TGFBRAP1: variants seen among roughly 807,000 people sequenced by gnomAD.
The protein encoded by TGFBRAP1 is transforming growth factor-beta receptor-associated protein 1.
Under a neutral mutation model 83.2 loss-of-function variants are expected in TGFBRAP1, and 20 were observed. That is an observed-to-expected ratio of 0.24 (90% CI 0.17 to 0.35). The LOEUF (loss-of-function observed/expected upper bound fraction) is 0.35, where lower values mean the gene tolerates loss of function less well. Ranked by LOEUF, TGFBRAP1 falls within the 10% of genes least tolerant of loss-of-function variation. The pLI, the probability that TGFBRAP1 is intolerant of heterozygous loss-of-function variation, is 1.00. For missense variants in TGFBRAP1, 950 were observed against 1,099.4 expected (o/e 0.86, Z 1.92); for synonymous variants, 415 against 459.8 (o/e 0.90, Z 1.25).
At chr2:105,286,930 A>G (rs1677737507) in intron 4 of TGFBRAP1, among the ~76,000 whole-genome samples, 1 of 152,212 alleles carries the variant, frequency 6.6e-6, no homozygotes, top group Non-Finnish European at 1.5e-5. Flanking sequence ...CTAAGCACTT[A>G]ATTCAAAGGG....
At chr2:105,275,793 T>A (rs1230836489) in intron 7 of TGFBRAP1, 90 bp from the exon 8 acceptor site, 1 of 1,370,148 alleles carries the variant, frequency 7.3e-7, no homozygotes, top group East Asian at 2.4e-5. Flanking sequence ...AAATGGCATA[T>A]GTTTACTTAT....
chr2:105,322,374 T>C (rs1679094330), intron 1 of TGFBRAP1, among the ~76,000 whole-genome samples: 2 of 152,332 alleles, frequency 1.3e-5, no homozygotes, highest in Admixed American at 1.3e-4. Flanking sequence ...TAGTGTAGCC[T>C]AAGTGTACAA....
At chr2:105,311,944 T>C (rs907490458) in intron 1 of TGFBRAP1, among the ~76,000 whole-genome samples, 4 of 152,106 alleles carry the variant, frequency 2.6e-5, no homozygotes, top group Non-Finnish European at 4.4e-5. Flanking sequence ...CTATTTTTTT[T>C]AAGCAGTGGG....
chr2:105,254,290 G>A, the TGFBRAP1 span, among the ~76,000 whole-genome samples: 1 of 152,076 alleles, frequency 6.6e-6, no homozygotes, highest in South Asian at 2.1e-4. Flanking sequence ...GAGAGGTCAC[G>A]AAGTACTTCT....
At chr2:105,283,738 G>C (rs972318028) in intron 5 of TGFBRAP1, among the ~76,000 whole-genome samples, 3 of 152,200 alleles carry the variant, frequency 2.0e-5, no homozygotes, top group Non-Finnish European at 2.9e-5. Flanking sequence ...GCAGGGGAAA[G>C]GGGAGAACAC....
the TGFBRAP1 span, among the ~76,000 whole-genome samples, chr2:105,250,693 C>T: frequency 7.9e-5 from 12 of 151,736 alleles, no homozygotes; most frequent in Admixed American, 2.0e-4. Context: ...ACGGTCTCCC[C>T]CTGATGCCGA....
At chr2:105,323,172 G>C (rs1382104597) in intron 1 of TGFBRAP1, among the ~76,000 whole-genome samples, 1 of 152,142 alleles carries the variant, frequency 6.6e-6, no homozygotes, top group African/African-American at 2.4e-5. Flanking sequence ...TGCATTGGAG[G>C]CCAGTTTTCT....
chr2:105,315,366 CACTA>C (rs1266313949), intron 1 of TGFBRAP1, among the ~76,000 whole-genome samples: 3 of 152,148 alleles, frequency 2.0e-5, no homozygotes, highest in Admixed American at 2.0e-4. Flanking sequence ...GAAGGACCTA[CACTA>C]ACTGATTTCA....
chr2:105,322,558 T>C (rs1679098799), intron 1 of TGFBRAP1, among the ~76,000 whole-genome samples: 2 of 152,158 alleles, frequency 1.3e-5, no homozygotes, highest in South Asian at 4.1e-4. Context: ...CTACTATCCC[T>C]TTTCTGTGTT....
At chr2:105,321,886 G>C (rs764196372) in intron 1 of TGFBRAP1, among the ~76,000 whole-genome samples, 1 of 152,160 alleles carries the variant, frequency 6.6e-6, no homozygotes, top group Non-Finnish European at 1.5e-5. Context: ...AATAATAAAT[G>C]ACTATGTTAC....
At chr2:105,261,334 G>A (rs1316989429), downstream of TGFBRAP1, among the ~76,000 whole-genome samples, 1 of 152,144 alleles carries the variant, frequency 6.6e-6, no homozygotes. Flanking sequence ...TTGGGGATTG[G>A]CCACCCCAGC....
the TGFBRAP1 span, among the ~76,000 whole-genome samples, chr2:105,254,772 C>T: frequency 2.3e-3 from 355 of 152,212 alleles, no homozygotes; most frequent in Middle Eastern, 0.041. Flanking sequence ...AATGTGATGG[C>T]CTTAGGAGGT....
At chr2:105,319,690 CAAA>C (rs201240011) in intron 1 of TGFBRAP1, among the ~76,000 whole-genome samples, 8 of 109,206 alleles carry the variant, frequency 7.3e-5, no homozygotes, top group Admixed American at 9.8e-5. Context: ...AAAACTCTCT[CAAA>C]AAAAAAAAAA....
intron 1 of TGFBRAP1, among the ~76,000 whole-genome samples, chr2:105,312,609 C>T (rs1486829044): frequency 1.3e-5 from 2 of 152,172 alleles, no homozygotes; most frequent in African/African-American, 2.4e-5. Context: ...TAAAGCAATA[C>T]ATGCTAAGGG....
intron 1 of TGFBRAP1, among the ~76,000 whole-genome samples, chr2:105,316,481 ACGCG>A (rs376567689): frequency 0.26 from 24,933 of 94,388 alleles, 2,730 homozygotes; most frequent in Middle Eastern, 0.33. Flanking sequence ...GCGCGCGCGC[ACGCG>A]CACATAACTC....
At chr2:105,262,151 G>A (rs898045777), downstream of TGFBRAP1, among the ~76,000 whole-genome samples, 2 of 152,188 alleles carry the variant, frequency 1.3e-5, no homozygotes, top group Non-Finnish European at 2.9e-5. Context: ...TCCACCTCCT[G>A]CTTATGGACG....
At chr2:105,324,358 G>C (rs1198452844) in intron 1 of TGFBRAP1, 1 of 152,186 alleles carries the variant, frequency 6.6e-6, no homozygotes, top group African/African-American at 2.4e-5. Context: ...TCTCACCTTA[G>C]AGTGATCAAG....
At chr2:105,306,069 T>TTG (rs202185380) in intron 2 of TGFBRAP1, among the ~76,000 whole-genome samples, 35,322 of 101,868 alleles carry the variant, frequency 0.35, 4,533 homozygotes, top group South Asian at 0.41. Context: ...TTGTTTTTTG[T>TTG]TTTTTTTTTT....
chr2:105,286,943 G>T (rs1343943930), intron 4 of TGFBRAP1, among the ~76,000 whole-genome samples: 1 of 152,200 alleles, frequency 6.6e-6, no homozygotes, highest in Non-Finnish European at 1.5e-5. Context: ...TCAAAGGGCA[G>T]CTTCTCTCAT....
Sources: gnomAD v4.1 joint callset for allele counts (sites outside exome capture counted in the v4.1 genomes callset) on GRCh38, gnomAD v4.1.1 for gene constraint, MANE v1.5 for transcripts, NCBI Gene and HGNC (gene_info 2026-07-23, HGNC 2026-07-21) for gene names.